Variants in CDC14A observed in about 807,000 individuals in gnomAD.
CDC14A encodes the protein dual specificity protein phosphatase CDC14A.
Under a neutral mutation model 74.4 loss-of-function variants are expected in CDC14A, and 53 were observed. The ratio of observed to expected loss-of-function variants is 0.71; its 90% confidence interval spans 0.57 to 0.89. The LOEUF (loss-of-function observed/expected upper bound fraction) is 0.89, where lower values mean the gene tolerates loss of function less well. Ranked by LOEUF, CDC14A falls within the 40% of genes least tolerant of loss-of-function variation. The probability of loss-of-function intolerance (pLI) is 0.00; values close to 1 mark genes in which losing one functional copy is unlikely to be tolerated. For synonymous variants in CDC14A, 247 were observed against 258.4 expected (o/e 0.96, Z 0.43); for missense variants, 646 against 713.7 (o/e 0.91, Z 1.08).
chr1:100,465,684 T>G (rs146161442), intron 9 of CDC14A, among the ~76,000 whole-genome samples: 101 of 152,334 alleles, frequency 6.6e-4, no homozygotes, highest in African/African-American at 2.4e-3. Flanking sequence ...AGAAACCAAT[T>G]TGCTGGGGAT....
intron 4 of CDC14A, among the ~76,000 whole-genome samples, chr1:100,399,344 T>G (rs193203032): frequency 6.6e-6 from 1 of 152,304 alleles, no homozygotes; most frequent in Non-Finnish European, 1.5e-5. Flanking sequence ...ATTATAAGTG[T>G]TTCTTTTCGT....
intron 6 of CDC14A, among the ~76,000 whole-genome samples, chr1:100,440,418 A>G (rs556567757): frequency 6.6e-6 from 1 of 152,252 alleles, no homozygotes; most frequent in Non-Finnish European, 1.5e-5. Context: ...TGCGGTCTGT[A>G]TTTGAACAAC....
At chr1:100,480,008 C>T (rs1022904261) in intron 10 of CDC14A, among the ~76,000 whole-genome samples, 4 of 152,046 alleles carry the variant, frequency 2.6e-5, no homozygotes, top group African/African-American at 7.2e-5. Flanking sequence ...ATAACATAAA[C>T]CTTACAATTT....
In CDC14A at chr1:100,372,241, C is replaced by T. The variant is rs1654580836; in HGVS notation, c.141-5305C>T. On this transcript the variant is annotated intron_variant, in intron 2 of 15. Coordinates refer to ENST00000336454, the MANE Select transcript of CDC14A (RefSeq NM_003672.4). ...CCCAGTGTGATGGCTGCTGACTGAT[C>T]AGGGTGGTGGTTGCTGAAGGTTGGG... Among the ~76,000 whole-genome samples the T allele has an allele frequency of 2.6e-5, 4 of 152,346 alleles. No individual in the cohort carries two copies. In the South Asian group the frequency reaches 8.3e-4, roughly 32 times the overall value.
At chr1:100,448,450 C>T (rs1439129066) in intron 7 of CDC14A, among the ~76,000 whole-genome samples, 1 of 152,258 alleles carries the variant, frequency 6.6e-6, no homozygotes, top group East Asian at 1.9e-4. Context: ...ATTTGGCCTG[C>T]AGGCCTGATG....
intron 4 of CDC14A, among the ~76,000 whole-genome samples, chr1:100,422,444 G>A (rs183234359): frequency 1.3e-5 from 2 of 152,232 alleles, no homozygotes; most frequent in African/African-American, 2.4e-5. Flanking sequence ...CAAATACTGC[G>A]GCATCTTTAG....
At chr1:100,459,088 C>T in intron 8 of CDC14A, among the ~76,000 whole-genome samples, 1 of 134,350 alleles carries the variant, frequency 7.4e-6, no homozygotes, top group South Asian at 2.3e-4. Flanking sequence ...TCTATTTAAA[C>T]ACACACACAC....
chr1:100,422,200 T>G (rs1194179378), intron 4 of CDC14A, among the ~76,000 whole-genome samples: 1 of 152,148 alleles, frequency 6.6e-6, no homozygotes, highest in Non-Finnish European at 1.5e-5. Flanking sequence ...GTCATGCAGG[T>G]AAGATGAGGA....
intron 10 of CDC14A, among the ~76,000 whole-genome samples, chr1:100,483,640 A>G (rs1017262740): frequency 1.3e-5 from 2 of 152,216 alleles, no homozygotes; most frequent in Admixed American, 6.5e-5. Flanking sequence ...TTTTGCTTAC[A>G]TATTTTAAAT....
intron 10 of CDC14A, among the ~76,000 whole-genome samples, chr1:100,469,971 C>G (rs1011702595): frequency 6.6e-6 from 1 of 152,114 alleles, no homozygotes; most frequent in Non-Finnish European, 1.5e-5. Context: ...AAAGAACTCT[C>G]AAAACTCAAG....
intron 10 of CDC14A, 127 bp downstream of exon 10, chr1:100,468,221 C>A: frequency 1.0e-6 from 1 of 1,001,168 alleles, no homozygotes; most frequent in Non-Finnish European, 1.5e-6. Flanking sequence ...GAAGTGTGTG[C>A]CTCTAATAGA....
At chr1:100,423,817 T>C (rs1662636385) in intron 4 of CDC14A, 1 of 182,450 alleles carries the variant, frequency 5.5e-6, no homozygotes, top group Non-Finnish European at 1.2e-5. Context: ...GATATTGTGC[T>C]CACTGTGAGA....
At chr1:100,407,999 G>T (rs1478328400) in intron 4 of CDC14A, among the ~76,000 whole-genome samples, 1 of 152,090 alleles carries the variant, frequency 6.6e-6, no homozygotes, top group Non-Finnish European at 1.5e-5. Context: ...ATGTTGTACA[G>T]AATATTTAGT....
At chr1:100,492,259 A>G (rs1670780505) in intron 11 of CDC14A, among the ~76,000 whole-genome samples, 1 of 152,248 alleles carries the variant, frequency 6.6e-6, no homozygotes, top group Non-Finnish European at 1.5e-5. Context: ...CAAGCAATAT[A>G]TGATCACAGC....
chr1:100,364,816 T>G (rs1653341862), intron 2 of CDC14A, among the ~76,000 whole-genome samples: 1 of 152,238 alleles, frequency 6.6e-6, no homozygotes, highest in Non-Finnish European at 1.5e-5. Flanking sequence ...TTTTATTAAC[T>G]GACCTTCTCT....
intron 4 of CDC14A, among the ~76,000 whole-genome samples, chr1:100,398,075 T>G (rs1658775126): frequency 1.3e-5 from 2 of 152,204 alleles, no homozygotes; most frequent in Non-Finnish European, 2.9e-5. Flanking sequence ...GCAAGTTAAC[T>G]TATCCAAACT....
At chr1:100,494,980 T>C (rs370570243) in intron 12 of CDC14A, 50 bp downstream of exon 12, 1 of 925,744 alleles carries the variant, frequency 1.1e-6, no homozygotes, top group Non-Finnish European at 1.7e-6. Context: ...CCTTTGTGAA[T>C]AGAACATTTC....
At chr1:100,418,662 A>G (rs950345112) in intron 4 of CDC14A, among the ~76,000 whole-genome samples, 1 of 152,074 alleles carries the variant, frequency 6.6e-6, no homozygotes, top group Non-Finnish European at 1.5e-5. Flanking sequence ...GGGTTTGGAT[A>G]AGGGTTTGAA....
chr1:100,491,572 A>ATATATATAT (rs1418515078), intron 11 of CDC14A, among the ~76,000 whole-genome samples: 1 of 25,106 alleles, frequency 4.0e-5, no homozygotes. Context: ...ATATATATAT[A>ATATATATAT]TTTTTTTTTT....
Sources: gnomAD v4.1 joint callset for allele counts (sites outside exome capture counted in the v4.1 genomes callset) on GRCh38, gnomAD v4.1.1 for gene constraint, MANE v1.5 for transcripts, NCBI Gene and HGNC (gene_info 2026-07-23, HGNC 2026-07-21) for gene names.